The following FOXP2 variants were observed in gnomAD, a reference collection of about 807,000 sequenced individuals.
FOXP2 encodes the protein forkhead box P2, also known as forkhead box protein P2.
A neutral mutation model predicts 115.8 loss-of-function variants in FOXP2; 12 were observed. The observed-to-expected ratio is 0.10, with a 90% confidence interval of 0.07 to 0.17. The LOEUF (loss-of-function observed/expected upper bound fraction) is 0.17, where lower values mean the gene tolerates loss of function less well. FOXP2 is among the 10% of genes least tolerant of loss of function. The probability of loss-of-function intolerance (pLI) is 1.00; values close to 1 mark genes in which losing one functional copy is unlikely to be tolerated. For missense variants in FOXP2, 629 were observed against 843.5 expected, an observed-to-expected ratio of 0.75 and a Z score of 3.15; for synonymous variants, 328 against 297.7, an observed-to-expected ratio of 1.10 and a Z score of -1.05.
At chr7:114,504,767 C>G (rs1797733525) in intron 2 of FOXP2, among the ~76,000 whole-genome samples, 1 of 151,552 alleles carries the variant, frequency 6.6e-6, no homozygotes, top group South Asian at 2.1e-4. Context: ...CAGGTTTCAT[C>G]CAGATGTTTG....
chr7:114,631,778 A>T (rs1042007912), intron 6 of FOXP2, 73 bp downstream of exon 6: 2 of 1,509,174 alleles, frequency 1.3e-6, no homozygotes, highest in Non-Finnish European at 1.8e-6. Context: ...TTTCTGCCTT[A>T]TACCTTGAGA....
At chr7:114,401,442 A>G (rs1241264208) in intron 2 of FOXP2, among the ~76,000 whole-genome samples, 6 of 151,752 alleles carry the variant, frequency 4.0e-5, no homozygotes, top group African/African-American at 1.2e-4. Flanking sequence ...CCCTTCCTTC[A>G]CTCCCCTCAT....
chr7:114,571,763 A>G lies in FOXP2; in HGVS notation c.258+37057A>G, dbSNP rs551053153. ...ATTTAAAGTATACAGGAGGATGTGC[A>G]TAGGTTATATGTAAATAGTACATCA... On this transcript the variant is annotated intron_variant, in intron 3 of 16. Transcript: ENST00000350908. 5.4e-4 allele frequency among the ~76,000 whole-genome samples: 82 copies of G among 152,034 alleles called. No homozygotes were observed. In the South Asian group the frequency reaches 6.4e-3, roughly 12 times the overall value.
chr7:114,471,854 G>A (rs997289260), intron 2 of FOXP2, among the ~76,000 whole-genome samples: 5 of 151,632 alleles, frequency 3.3e-5, no homozygotes, highest in Admixed American at 2.6e-4. Context: ...CAGCTACTCC[G>A]GAGGCTGAGG....
intron 2 of FOXP2, among the ~76,000 whole-genome samples, chr7:114,515,250 G>T (rs987142892): frequency 6.7e-6 from 1 of 150,252 alleles, no homozygotes; most frequent in East Asian, 2.0e-4. Flanking sequence ...GGATGGCTGG[G>T]TCAAATGGTA....
chr7:114,130,728 G>A (rs1156571019), intron 1 of FOXP2, among the ~76,000 whole-genome samples: 2 of 152,202 alleles, frequency 1.3e-5, no homozygotes, highest in East Asian at 1.9e-4. Flanking sequence ...CATAAATCAG[G>A]TACTACAGAA....
intron 1 of FOXP2, among the ~76,000 whole-genome samples, chr7:114,122,156 C>T (rs1791583463): frequency 2.0e-5 from 3 of 152,004 alleles, no homozygotes; most frequent in Admixed American, 6.6e-5. Flanking sequence ...GCATAAAACA[C>T]TTAAGCCATT....
rs117880428 is a variant in FOXP2 at position 114,205,978 on chromosome 7, C to A, written c.-102+42890C>A. On this transcript the variant is annotated intron_variant, in intron 1 of 17. Transcript: ENST00000634411. ...AGCTTGGTGGCATGCATATGTCATC[C>A]TGGCAGTTTGGGAGGCCAAGGTGGG... 1.9e-3 allele frequency among the ~76,000 whole-genome samples: 291 copies of A among 152,296 alleles called. 1 individual carries two copies. Among genetic ancestry groups the A allele is most frequent in the Non-Finnish European group, 3.1e-3 (213 of 68,034 alleles).
chr7:114,400,187 G>GTTT (rs892685990), intron 2 of FOXP2, among the ~76,000 whole-genome samples: 1 of 151,818 alleles, frequency 6.6e-6, no homozygotes, highest in African/African-American at 2.4e-5. Flanking sequence ...TAAAATTTAT[G>GTTT]TTTTTTGTTG....
chr7:114,472,880 A>C (rs1027088843), intron 2 of FOXP2, among the ~76,000 whole-genome samples: 4 of 152,056 alleles, frequency 2.6e-5, no homozygotes, highest in African/African-American at 9.7e-5. Context: ...TGTCTAGAGG[A>C]AAAAATATTA....
intron 1 of FOXP2, among the ~76,000 whole-genome samples, chr7:114,173,315 A>G (rs896948561): frequency 2.6e-5 from 4 of 151,864 alleles, no homozygotes; most frequent in Non-Finnish European, 5.9e-5. Flanking sequence ...TTTAAAAAGT[A>G]CCAGATATGG....
chr7:114,586,646 ATAT>A (rs1802150339), intron 3 of FOXP2, among the ~76,000 whole-genome samples: 1 of 152,044 alleles, frequency 6.6e-6, no homozygotes, highest in South Asian at 2.1e-4. Flanking sequence ...GTGCTTTCAG[ATAT>A]TATATGAATT....
At chr7:114,104,071 G>A (rs1439928326) in intron 1 of FOXP2, among the ~76,000 whole-genome samples, 1 of 151,616 alleles carries the variant, frequency 6.6e-6, no homozygotes, top group African/African-American at 2.4e-5. Context: ...TTGGTTCGTA[G>A]GTCTAGGTGG....
intron 3 of FOXP2, among the ~76,000 whole-genome samples, chr7:114,536,416 TTTG>T (rs1261052001): frequency 2.3e-4 from 29 of 128,880 alleles, no homozygotes; most frequent in African/African-American, 7.5e-4. Context: ...TTTTTTTTTT[TTTG>T]TTGTTGTTGT....
intron 1 of FOXP2, among the ~76,000 whole-genome samples, chr7:114,244,945 G>A (rs1389286349): frequency 1.3e-5 from 2 of 151,946 alleles, no homozygotes; most frequent in Non-Finnish European, 2.9e-5. Context: ...TGTATTTTTA[G>A]TAGAGACGGG....
chr7:114,353,915 A>G (rs1433611590), intron 2 of FOXP2, among the ~76,000 whole-genome samples: 3 of 152,132 alleles, frequency 2.0e-5, no homozygotes, highest in East Asian at 1.9e-4. Flanking sequence ...TTTGACTCCT[A>G]TGATGGTTAA....
At chr7:114,525,516 C>G (rs1452943993) in intron 2 of FOXP2, among the ~76,000 whole-genome samples, 4 of 152,154 alleles carry the variant, frequency 2.6e-5, no homozygotes, top group Non-Finnish European at 4.4e-5. Context: ...AGTTTAAATA[C>G]CACTTTTTAC....
At chr7:114,503,688 T>A (rs910967709) in intron 2 of FOXP2, among the ~76,000 whole-genome samples, 1 of 151,306 alleles carries the variant, frequency 6.6e-6, no homozygotes, top group Middle Eastern at 3.4e-3. Flanking sequence ...TAATCCACCT[T>A]TTACCTGCTG....
At chr7:114,253,815 G>A (rs1052245987) in intron 1 of FOXP2, among the ~76,000 whole-genome samples, 1 of 152,188 alleles carries the variant, frequency 6.6e-6, no homozygotes, top group Non-Finnish European at 1.5e-5. Context: ...ATTGTTATGT[G>A]TGAATTTGAT....
Sources: allele counts gnomAD v4.1 joint callset (sites outside exome capture counted in the v4.1 genomes callset), GRCh38; gene constraint gnomAD v4.1.1; transcripts MANE v1.5; gene names NCBI Gene and HGNC (gene_info 2026-07-23, HGNC 2026-07-21).